The following SCARB1 variants were observed in gnomAD, a reference collection of about 807,000 sequenced individuals.
The protein encoded by SCARB1 is CD36 and LIMPII analogous 1.
SCARB1 carries 30 observed loss-of-function variants against 57.2 expected under a neutral mutation model. That is an observed-to-expected ratio of 0.52 (90% confidence interval 0.39 to 0.71). The LOEUF is 0.71. Among genes scored for constraint, SCARB1 ranks in the 30% least tolerant of loss-of-function variants. SCARB1 has a pLI of 0.00. For synonymous variants in SCARB1, 249 were observed against 268.3 expected (o/e 0.93, Z 0.70); for missense variants, 543 against 671.2 (o/e 0.81, Z 2.11).
At chr12:124,801,855 A>T (rs1950142729) in intron 7 of SCARB1, among the ~76,000 whole-genome samples, 2 of 151,042 alleles carry the variant, frequency 1.3e-5, no homozygotes. Flanking sequence ...CAAAAAAAAT[A>T]AAATAAAATA....
intron 1 of SCARB1, among the ~76,000 whole-genome samples, chr12:124,820,906 T>C (rs889297865): frequency 6.6e-6 from 1 of 152,156 alleles, no homozygotes; most frequent in Non-Finnish European, 1.5e-5. Context: ...ATATGTGCCA[T>C]TGTTTTATAT....
chr12:124,793,293 A>G (rs1949796584), intron 9 of SCARB1, among the ~76,000 whole-genome samples: 2 of 152,168 alleles, frequency 1.3e-5, no homozygotes, highest in South Asian at 4.2e-4. Context: ...AGACACTGAC[A>G]TAGCAACAAA....
chr12:124,794,816 G>A (rs1486749307), intron 9 of SCARB1, among the ~76,000 whole-genome samples: 1 of 152,128 alleles, frequency 6.6e-6, no homozygotes, highest in Non-Finnish European at 1.5e-5. Flanking sequence ...TGTAATCCCA[G>A]CTACTCAGGA....
At chr12:124,801,209 C>A (rs1007757940) in intron 7 of SCARB1, among the ~76,000 whole-genome samples, 1 of 150,330 alleles carries the variant, frequency 6.7e-6, no homozygotes, top group African/African-American at 2.4e-5. Context: ...AAAAGAAAAA[C>A]AATTTTTTTT....
In SCARB1 at chr12:124,796,126, G is replaced by A. The variant is rs1949936344; in HGVS notation, c.1129-858C>T. ...GCGCCAGCACACTCGGCTAATTTTT[G>A]TATTTTTAGTAAAGACAGGGTTTCA... On this transcript the variant is annotated intron_variant, in intron 8 of 12. Coordinates refer to ENST00000261693, the MANE Select transcript of SCARB1 (RefSeq NM_005505.5). The surrounding 1 kb of genome is among the most constrained non-coding windows in gnomAD (Gnocchi z 4.0). 6.6e-6 allele frequency among the ~76,000 whole-genome samples: 1 copy of A among 152,092 alleles called. No homozygotes were observed. The highest frequency in any genetic ancestry group is 2.1e-4 in the South Asian group (1 of 4,822).
intron 8 of SCARB1, among the ~76,000 whole-genome samples, chr12:124,798,405 T>G (rs1334661661): frequency 6.6e-6 from 1 of 151,010 alleles, no homozygotes; most frequent in Non-Finnish European, 1.5e-5. Context: ...AGCAAGACTC[T>G]GTCTCAAAAA....
chr12:124,856,081 G>A (rs932652328), intron 1 of SCARB1, among the ~76,000 whole-genome samples: 2 of 152,252 alleles, frequency 1.3e-5, no homozygotes, highest in East Asian at 1.9e-4. Context: ...CGGCCATTCC[G>A]GGAAGGGACA....
intron 7 of SCARB1, among the ~76,000 whole-genome samples, chr12:124,805,285 CCAGA>C (rs1950282562): frequency 1.3e-5 from 2 of 152,198 alleles, no homozygotes; most frequent in East Asian, 3.8e-4. Context: ...ACTCAGAAAT[CCAGA>C]CAAAGAGCTC....
chr12:124,792,975 A>ACG lies in SCARB1; in HGVS notation c.1202+2218_1202+2219dup, dbSNP rs546516285. On this transcript the variant is annotated intron_variant, in intron 9 of 12. Transcript: ENST00000261693. ...CATCCCAGTTAGCAGCCCAGGTGCC[A>ACG]CGCGGTGGAACCAGAGGGAGGACTT... is the stretch of plus-strand genomic sequence containing the variant. Among the ~76,000 whole-genome samples, 254 of 152,152 alleles carry ACG rather than the reference A, an allele frequency of 1.7e-3. 4 individuals carry two copies. The highest frequency in any genetic ancestry group is 6.0e-3 in the African/African-American group (248 of 41,436).
At chr12:124,836,651 A>G (rs117039009) in intron 1 of SCARB1, among the ~76,000 whole-genome samples, 4,607 of 151,960 alleles carry the variant, frequency 0.03, 473 homozygotes, top group East Asian at 0.23. Context: ...AAAATTTGCC[A>G]AATGTGGTAG....
intron 1 of SCARB1, among the ~76,000 whole-genome samples, chr12:124,835,819 G>GCA (rs1951625971): frequency 6.6e-6 from 1 of 152,206 alleles, no homozygotes; most frequent in Non-Finnish European, 1.5e-5. Context: ...TTGGGAACCT[G>GCA]GGTGATGTCC....
intron 2 of SCARB1, among the ~76,000 whole-genome samples, chr12:124,815,496 G>A (rs999072768): frequency 2.2e-4 from 34 of 152,362 alleles, no homozygotes; most frequent in African/African-American, 8.2e-4. Flanking sequence ...ATCAGCTGCT[G>A]TGACTGTTGC....
chr12:124,834,206 C>T (rs1364249492), intron 1 of SCARB1, among the ~76,000 whole-genome samples: 1 of 152,238 alleles, frequency 6.6e-6, no homozygotes. Context: ...AAGCAGGCCT[C>T]CCAAGCCAGT....
At position 124,814,150 on chromosome 12, in the gene SCARB1, G is replaced by A; in HGVS notation, c.630+52C>T. The A allele has an allele frequency of 6.5e-7, 1 of 1,538,078 alleles. No individual in the cohort carries two copies. ...TGACCAGTGTCCAGGCTGTGTGAGG[G>A]GAAGACAGGACACAGGCCTGAATCT... On this transcript the variant is annotated intron_variant, in intron 4 of 12. Transcript: ENST00000261693. This position sits in a 1 kb window ranked among gnomAD's most constrained non-coding sequence, Gnocchi z 4.7.
At chr12:124,799,945 G>C (rs1950073661) in intron 8 of SCARB1, among the ~76,000 whole-genome samples, 179 bp downstream of exon 8, 1 of 152,146 alleles carries the variant, frequency 6.6e-6, no homozygotes, top group South Asian at 2.1e-4. Context: ...TAAAACCCTT[G>C]AACTACCTTG....
At chr12:124,815,256 G>T in intron 2 of SCARB1, 142 bp from the exon 3 acceptor site, 1 of 949,188 alleles carries the variant, frequency 1.1e-6, no homozygotes, top group Non-Finnish European at 1.6e-6. Context: ...GCTGAGCTCG[G>T]CCCCTTCGCC....
intron 1 of SCARB1, among the ~76,000 whole-genome samples, chr12:124,859,949 A>ATTTTTT (rs63359362): frequency 8.5e-6 from 1 of 117,958 alleles, no homozygotes; most frequent in African/African-American, 3.2e-5. Flanking sequence ...AAGTTCCTTC[A>ATTTTTT]TTTTTTTTTT....
At chr12:124,786,816 C>A (rs1170725914) in intron 10 of SCARB1, among the ~76,000 whole-genome samples, 1 of 152,202 alleles carries the variant, frequency 6.6e-6, no homozygotes, top group African/African-American at 2.4e-5. Flanking sequence ...GATGGCGGGG[C>A]CACCGGGGCC....
intron 1 of SCARB1, among the ~76,000 whole-genome samples, chr12:124,826,030 G>A (rs932335016): frequency 2.6e-5 from 4 of 151,718 alleles, no homozygotes; most frequent in African/African-American, 9.7e-5. Context: ...CAGATTTCAG[G>A]TGCTCTCACC....
Sources: gnomAD v4.1 joint callset for allele counts (sites outside exome capture counted in the v4.1 genomes callset) on GRCh38, gnomAD v4.1.1 for gene constraint, Gnocchi (gnomAD v3.1) non-coding constraint, MANE v1.5 for transcripts, NCBI Gene and HGNC (gene_info 2026-07-23, HGNC 2026-07-21) for gene names.